Variants in ADAMTS18 observed in about 807,000 individuals in gnomAD.
The protein encoded by ADAMTS18 is A disintegrin and metalloproteinase with thrombospondin motifs 18.
A neutral mutation model predicts 165.9 loss-of-function variants in ADAMTS18; 157 were observed. The ratio of observed to expected loss-of-function variants is 0.95; its 90% CI spans 0.83 to 1.08. The LOEUF (loss-of-function observed/expected upper bound fraction) is 1.08, where lower values mean the gene tolerates loss of function less well. ADAMTS18 is among the 50% of genes least tolerant of loss of function. ADAMTS18 has a pLI of 0.00. For synonymous variants in ADAMTS18, 782 were observed against 578.2 expected (o/e 1.35, Z -5.06); for missense variants, 2,040 against 1,534.0 (o/e 1.33, Z -5.51).
At chr16:77,363,327 G>C (rs892714447) in intron 6 of ADAMTS18, among the ~76,000 whole-genome samples, 1 of 152,040 alleles carries the variant, frequency 6.6e-6, no homozygotes, top group Non-Finnish European at 1.5e-5. Flanking sequence ...TGGGGATACA[G>C]TAGGTTTACT....
chr16:77,369,576 C>T (rs779087723), intron 3 of ADAMTS18, among the ~76,000 whole-genome samples: 14 of 152,218 alleles, frequency 9.2e-5, no homozygotes, highest in African/African-American at 2.6e-4. Context: ...AAACCAATAA[C>T]GAGTTAAGGA....
At chr16:77,381,102 G>A (rs2057023872) in intron 3 of ADAMTS18, among the ~76,000 whole-genome samples, 1 of 152,050 alleles carries the variant, frequency 6.6e-6, no homozygotes, top group Non-Finnish European at 1.5e-5. Flanking sequence ...TCAAACTCCT[G>A]GGCTCAGGTA....
chr16:77,401,586 T>C (rs1033856236), intron 3 of ADAMTS18, among the ~76,000 whole-genome samples: 2 of 152,220 alleles, frequency 1.3e-5, no homozygotes, highest in East Asian at 3.9e-4. Context: ...ACAAGTTCTG[T>C]GTGAAGATGA....
At chr16:77,408,909 A>G (rs907808799) in intron 3 of ADAMTS18, among the ~76,000 whole-genome samples, 47 of 152,172 alleles carry the variant, frequency 3.1e-4, no homozygotes, top group African/African-American at 9.9e-4. Flanking sequence ...ATGAGTAATT[A>G]TAAGATACAT....
At chr16:77,349,137 T>G (rs1453655122) in intron 10 of ADAMTS18, among the ~76,000 whole-genome samples, 5 of 152,184 alleles carry the variant, frequency 3.3e-5, no homozygotes, top group African/African-American at 1.2e-4. Flanking sequence ...CTCCATTCAT[T>G]AATCCTGATG....
At chr16:77,424,376 G>A (rs2057644416) in intron 3 of ADAMTS18, among the ~76,000 whole-genome samples, 1 of 151,916 alleles carries the variant, frequency 6.6e-6, no homozygotes, top group Non-Finnish European at 1.5e-5. Flanking sequence ...GCTGAGGCAG[G>A]AGAATTGCTC....
intron 3 of ADAMTS18, among the ~76,000 whole-genome samples, chr16:77,377,863 A>G (rs1000299642): frequency 6.6e-6 from 1 of 152,228 alleles, no homozygotes; most frequent in Non-Finnish European, 1.5e-5. Flanking sequence ...ATCTCAGTTC[A>G]GAATAAGGGA....
chr16:77,395,177 T>C (rs1372147933), intron 3 of ADAMTS18, among the ~76,000 whole-genome samples: 1 of 152,198 alleles, frequency 6.6e-6, no homozygotes, highest in Non-Finnish European at 1.5e-5. Flanking sequence ...CTGGAAACTC[T>C]TCTTAGGTCT....
At chr16:77,314,019 A>T (rs2055833726) in intron 16 of ADAMTS18, among the ~76,000 whole-genome samples, 1 of 152,166 alleles carries the variant, frequency 6.6e-6, no homozygotes, top group Non-Finnish European at 1.5e-5. Context: ...GCCATAGTCT[A>T]TTTTGATTGG....
chr16:77,350,096 C>A (rs886731285), intron 10 of ADAMTS18, among the ~76,000 whole-genome samples: 2 of 152,186 alleles, frequency 1.3e-5, no homozygotes, highest in Admixed American at 1.3e-4. Flanking sequence ...TCAGCTCACT[C>A]ATGGAGTCAG....
At chr16:77,420,595 A>T (rs1299230620) in intron 3 of ADAMTS18, among the ~76,000 whole-genome samples, 2 of 152,236 alleles carry the variant, frequency 1.3e-5, no homozygotes, top group African/African-American at 2.4e-5. Context: ...TGTTTCACAC[A>T]CAAAAGAAAC....
intron 3 of ADAMTS18, among the ~76,000 whole-genome samples, chr16:77,421,217 A>G (rs1387240801): frequency 6.6e-6 from 1 of 152,210 alleles, no homozygotes; most frequent in Non-Finnish European, 1.5e-5. Context: ...ATACATCAAA[A>G]GCATCCCTTC....
chr16:77,412,158 A>G (rs1213799562), intron 3 of ADAMTS18, among the ~76,000 whole-genome samples: 1 of 152,082 alleles, frequency 6.6e-6, no homozygotes, highest in East Asian at 1.9e-4. Flanking sequence ...GAACAAAAAG[A>G]CTGAGTAAGG....
At chr16:77,344,741 AAC>A (rs2056450283) in intron 10 of ADAMTS18, among the ~76,000 whole-genome samples, 1 of 115,170 alleles carries the variant, frequency 8.7e-6, no homozygotes, top group Admixed American at 9.8e-5. Flanking sequence ...AACAAAGCAA[AAC>A]AAAAAAAAAA....
intron 12 of ADAMTS18, among the ~76,000 whole-genome samples, chr16:77,329,253 G>A (rs545687654): frequency 6.6e-6 from 1 of 152,192 alleles, no homozygotes; most frequent in South Asian, 2.1e-4. Flanking sequence ...CTACAGGCAT[G>A]TGCCACCATG....
rs904153330 is a variant in ADAMTS18, at chr16:77,434,735, G to A, written c.-40C>T. On this transcript the variant is annotated 5_prime_UTR_variant, in exon 1 of 23. Transcript: ENST00000282849. Reference sequence around the variant, plus strand: ...GCGGCGGCTGCGGGTGGCCAGACGCGGCAGGCGGAGCGCACGGGCGGCGCG... The same window carrying A: ...GCGGCGGCTGCGGGTGGCCAGACGCAGCAGGCGGAGCGCACGGGCGGCGCG... 4 of 1,391,574 alleles carry A rather than the reference G, an allele frequency of 2.9e-6. No individual in the cohort carries two copies. Among genetic ancestry groups the A allele is most frequent in the East Asian group, 3.2e-5 (1 of 31,466 alleles). The allele number at this position is 1,391,574 out of a possible 1,614,324, so 86.2% of individuals were successfully genotyped here. A position where few individuals can be genotyped will look rare whatever the true frequency, so the allele number is the denominator to read the frequency against.
chr16:77,312,271 T>C (rs1341980166), intron 16 of ADAMTS18, among the ~76,000 whole-genome samples: 3 of 152,008 alleles, frequency 2.0e-5, no homozygotes, highest in Non-Finnish European at 2.9e-5. Flanking sequence ...AGTTTTGTTC[T>C]CGTCGCCCAG....
intron 10 of ADAMTS18, 116 bp downstream of exon 10, chr16:77,353,617 A>T: frequency 7.3e-7 from 1 of 1,366,274 alleles, no homozygotes; most frequent in Non-Finnish European, 1.0e-6. Context: ...CTGACACGGT[A>T]GAGATAACCC....
At chr16:77,320,173 T>A in intron 15 of ADAMTS18, 80 bp from the exon 16 acceptor site, 1 of 1,554,334 alleles carries the variant, frequency 6.4e-7, no homozygotes, top group East Asian at 2.2e-5. Flanking sequence ...CGACATGTAG[T>A]GTTCAGTTTT....
Sources: gnomAD v4.1 joint callset for allele counts (sites outside exome capture counted in the v4.1 genomes callset) on GRCh38, gnomAD v4.1.1 for gene constraint, MANE v1.5 for transcripts, NCBI Gene and HGNC (gene_info 2026-07-23, HGNC 2026-07-21) for gene names.